ANXA8: variants seen among roughly 807,000 people sequenced by gnomAD.
ANXA8 encodes the protein annexin A8, also known as VAC-beta.
In ANXA8, 9 loss-of-function variants were observed where a neutral mutation model predicts 26.8. The ratio of observed to expected loss-of-function variants is 0.34; its 90% confidence interval spans 0.20 to 0.59. The LOEUF is 0.59. Ranked by LOEUF, ANXA8 falls within the 20% of genes least tolerant of loss-of-function variation. ANXA8 has a pLI of 0.84. For synonymous variants in ANXA8, 39 were observed against 94.8 expected, an observed-to-expected ratio of 0.41 and a Z score of 3.42; for missense variants, 83 against 238.5, an observed-to-expected ratio of 0.35 and a Z score of 4.29.
At chr10:47,527,643 TG>T in the ANXA8 span, among the ~76,000 whole-genome samples, 1 of 141,570 alleles carries the variant, frequency 7.1e-6, no homozygotes, top group South Asian at 2.2e-4. Flanking sequence ...GGCAACTTAG[TG>T]ATTGGGCTTG....
the ANXA8 span, among the ~76,000 whole-genome samples, chr10:47,942,376 T>G: frequency 1.1e-4 from 16 of 144,458 alleles, 4 homozygotes; most frequent in South Asian, 4.4e-4. Context: ...TTTCCTGCAA[T>G]GCTGTGCTGC....
chr10:47,624,206 C>G, the ANXA8 span, among the ~76,000 whole-genome samples: 12 of 86,530 alleles, frequency 1.4e-4, 1 homozygote, highest in African/African-American at 6.8e-4. Flanking sequence ...CGCGCCACTG[C>G]CACTCCAGCC....
At chr10:47,902,739 ATAACT>A in the ANXA8 span, among the ~76,000 whole-genome samples, 1 of 111,350 alleles carries the variant, frequency 9.0e-6, no homozygotes, top group Non-Finnish European at 1.8e-5. Flanking sequence ...GTGGTTTACA[ATAACT>A]TAACATAATA....
At chr10:47,681,963 C>T in the ANXA8 span, among the ~76,000 whole-genome samples, 1 of 139,570 alleles carries the variant, frequency 7.2e-6, no homozygotes, top group Non-Finnish European at 1.5e-5. Flanking sequence ...TGGGCTGAGA[C>T]ATTTTCTAGT....
At chr10:47,482,024 T>A (rs1839836151) in intron 1 of ANXA8, among the ~76,000 whole-genome samples, 1 of 142,554 alleles carries the variant, frequency 7.0e-6, no homozygotes, top group African/African-American at 2.6e-5. Flanking sequence ...TTTGTCTCTA[T>A]GAGAGACACA....
chr10:47,588,201 T>A, the ANXA8 span, among the ~76,000 whole-genome samples: 2 of 140,652 alleles, frequency 1.4e-5, no homozygotes, highest in East Asian at 3.9e-4. Flanking sequence ...TAATTTCAAG[T>A]TCCAGAATTT....
At chr10:47,945,751 G>T in the ANXA8 span, among the ~76,000 whole-genome samples, 29 of 131,364 alleles carry the variant, frequency 2.2e-4, no homozygotes, top group African/African-American at 8.9e-4. Context: ...TGGTTAAGAT[G>T]TATAGGCCAG....
At chr10:47,496,666 C>A in the ANXA8 span, among the ~76,000 whole-genome samples, 1 of 143,800 alleles carries the variant, frequency 7.0e-6, no homozygotes, top group Non-Finnish European at 1.5e-5. Flanking sequence ...TGTAGGACTG[C>A]AATAACAGTT....
At chr10:47,729,791 G>A in the ANXA8 span, among the ~76,000 whole-genome samples, 1 of 141,842 alleles carries the variant, frequency 7.1e-6, no homozygotes, top group Admixed American at 7.2e-5. Context: ...GAAAGAGAAG[G>A]TATAGAAAGA....
chr10:47,955,124 G>A, the ANXA8 span, among the ~76,000 whole-genome samples: 2 of 148,776 alleles, frequency 1.3e-5, no homozygotes, highest in African/African-American at 5.0e-5. Context: ...TAAACCTCAT[G>A]AGATGTGATG....
the ANXA8 span, among the ~76,000 whole-genome samples, chr10:47,718,021 G>T: frequency 1.1e-5 from 1 of 89,378 alleles, no homozygotes; most frequent in African/African-American, 4.2e-5. Flanking sequence ...AAAAAAAAAA[G>T]ACTTTTTGAG....
chr10:47,651,152 A>G, the ANXA8 span, among the ~76,000 whole-genome samples: 1 of 151,424 alleles, frequency 6.6e-6, no homozygotes, highest in Admixed American at 6.6e-5. Flanking sequence ...GTGAGCAGTG[A>G]TGGTGCCACT....
chr10:47,488,712 A>AT (rs1840088979), upstream of ANXA8, among the ~76,000 whole-genome samples: 129 of 95,938 alleles, frequency 1.3e-3, no homozygotes, highest in East Asian at 4.7e-3. Context: ...TTACATGTTA[A>AT]ATTTTTTTTT....
chr10:47,950,719 C>A, the ANXA8 span, among the ~76,000 whole-genome samples: 3 of 150,938 alleles, frequency 2.0e-5, no homozygotes, highest in Non-Finnish European at 4.4e-5. Context: ...GAGCAACATG[C>A]TTTTAAATAA....
At chr10:47,898,811 A>ATTTT in the ANXA8 span, among the ~76,000 whole-genome samples, 4,809 of 56,140 alleles carry the variant, frequency 0.086, 665 homozygotes, top group Non-Finnish European at 0.11. Context: ...AAGAGAATGG[A>ATTTT]TTTTTTTTTT....
chr10:47,504,320 G>C, the ANXA8 span: 1 of 1,089,938 alleles, frequency 9.2e-7, no homozygotes, highest in Non-Finnish European at 1.3e-6. Context: ...ACTTCCTCCT[G>C]TGTGCTTTGG....
chr10:47,514,389 C>T, the ANXA8 span, among the ~76,000 whole-genome samples: 2 of 145,782 alleles, frequency 1.4e-5, no homozygotes, highest in South Asian at 2.2e-4. Flanking sequence ...ATCATGTTCT[C>T]TTTCCTACGT....
chr10:47,507,709 C>G, the ANXA8 span: 12 of 714,518 alleles, frequency 1.7e-5, 1 homozygote, highest in African/African-American at 8.2e-5. Context: ...TAGTTCAGAA[C>G]AGTACCATAA....
the ANXA8 span, among the ~76,000 whole-genome samples, chr10:47,595,072 G>T: frequency 2.7e-5 from 4 of 148,788 alleles, 1 homozygote; most frequent in African/African-American, 1.0e-4. Context: ...GGACTTCTCA[G>T]AAGAAACCTT....
Sources: gnomAD v4.1 joint callset for allele counts (sites outside exome capture counted in the v4.1 genomes callset) on GRCh38, gnomAD v4.1.1 for gene constraint, MANE v1.5 for transcripts, NCBI Gene and HGNC (gene_info 2026-07-23, HGNC 2026-07-21) for gene names.